KPNA1: variants seen among roughly 807,000 people sequenced by gnomAD.
KPNA1 encodes karyopherin subunit alpha 1.
In KPNA1, 10 loss-of-function variants were observed where a neutral mutation model predicts 70.5. That is an observed-to-expected ratio of 0.14 (90% CI 0.09 to 0.24). The LOEUF is 0.24. Ranked by LOEUF, KPNA1 falls within the 10% of genes least tolerant of loss-of-function variation. The pLI, the probability that KPNA1 is intolerant of heterozygous loss-of-function variation, is 1.00. For synonymous variants in KPNA1, 192 were observed against 221.9 expected (o/e 0.87, Z 1.20); for missense variants, 397 against 637.9 (o/e 0.62, Z 4.07).
In KPNA1 at chr3:122,422,952, T is replaced by C. The variant is rs1167334011; in HGVS notation, c.*4033A>G. ...GCTTCCAGATGTATTTTATGTCCAG[T>C]AGCAATTTGATATTTTAAATTAGCA... On this transcript the variant is annotated 3_prime_UTR_variant, in exon 14 of 14. Transcript: ENST00000344337. The C allele has an allele frequency of 6.6e-6, 1 of 152,242 alleles. No individual in the cohort carries two copies. Among genetic ancestry groups the C allele is most frequent in the Non-Finnish European group, 1.5e-5 (1 of 68,042 alleles). 9.4% of individuals were successfully genotyped at this position (152,242 alleles called of 1,614,324 possible).
rs180759180 is a variant in KPNA1, at chr3:122,502,128, T to C, written c.-5-5558A>G. 2.6e-3 allele frequency among the ~76,000 whole-genome samples: 397 copies of C among 152,346 alleles called. 5 individuals are homozygous for C. Among genetic ancestry groups the C allele is most frequent in the East Asian group, 1.7e-3 (9 of 5,192 alleles). The stretch of plus-strand genomic sequence containing the variant: ...ACCTTTATGGCAAAAAATATCATTC[T>C]CACCTTTTACAGATAAGGAATCAGA... On this transcript the variant is annotated intron_variant, in intron 1 of 13. Coordinates refer to ENST00000344337, the MANE Select transcript of KPNA1 (RefSeq NM_002264.4).
intron 2 of KPNA1, among the ~76,000 whole-genome samples, chr3:122,468,847 G>A (rs1420065327): frequency 6.6e-6 from 1 of 152,184 alleles, no homozygotes; most frequent in African/African-American, 2.4e-5. Context: ...ACAAGACACA[G>A]CTAAGGAAAT....
chr3:122,449,702 C>T lies in KPNA1; in HGVS notation c.789G>A (p.Leu263=), dbSNP rs370832224. The T allele has an allele frequency of 3.2e-5, 51 of 1,613,274 alleles. No homozygotes were observed. The highest frequency in any genetic ancestry group is 2.9e-4 in the African/African-American group (22 of 74,842). Reference sequence around the variant, plus strand: ...CCAGTACATCAGTGTCACTGACAAACAGCAACCAGGAAAGCACATTCAGAC... The same window carrying T: ...CCAGTACATCAGTGTCACTGACAAATAGCAACCAGGAAAGCACATTCAGAC... The part of the protein sequence containing the change: ...SPCLNVLSWL[L]FVSDTDVLAD... The change falls in exon 9 of 14, where the codon CTG becomes CTA. Residue 263 remains leucine, a synonymous_variant. Coordinates refer to ENST00000344337, the MANE Select transcript of KPNA1 (RefSeq NM_002264.4).
intron 9 of KPNA1, among the ~76,000 whole-genome samples, chr3:122,446,771 G>A (rs1045818452): frequency 5.3e-5 from 8 of 152,156 alleles, no homozygotes; most frequent in Non-Finnish European, 8.8e-5. Context: ...TTGATAGACC[G>A]CTAGCAAGAC....
chr3:122,437,148 A>G, intron 11 of KPNA1, 22 bp downstream of exon 11: 2 of 1,593,746 alleles, frequency 1.3e-6, no homozygotes, highest in Non-Finnish European at 1.7e-6. Flanking sequence ...ACTGAAAGAG[A>G]AGTTAGGTCC....
chr3:122,470,750 T>C (rs910523520), intron 2 of KPNA1, among the ~76,000 whole-genome samples: 1 of 151,660 alleles, frequency 6.6e-6, no homozygotes, highest in African/African-American at 2.4e-5. Context: ...AAAAGTACAA[T>C]TGATATGCTA....
intron 10 of KPNA1, among the ~76,000 whole-genome samples, chr3:122,440,160 A>G (rs1160076801): frequency 6.6e-6 from 1 of 152,240 alleles, no homozygotes. Flanking sequence ...AAACACTGAC[A>G]TAATCCACCT....
At chr3:122,451,748 A>G (rs936981176) in intron 7 of KPNA1, 115 bp from the exon 8 acceptor site, 2 of 755,762 alleles carry the variant, frequency 2.6e-6, no homozygotes, top group Admixed American at 3.0e-5. Context: ...GCTTTTCTCC[A>G]GAACATTAAA....
At chr3:122,481,571 C>T (rs1011757363) in intron 2 of KPNA1, among the ~76,000 whole-genome samples, 11 of 152,074 alleles carry the variant, frequency 7.2e-5, no homozygotes, top group African/African-American at 2.2e-4. Context: ...GGTTTTTTAG[C>T]GGGTGACTAA....
chr3:122,478,894 C>CAAAAAAAAAA (rs57843662), intron 2 of KPNA1, among the ~76,000 whole-genome samples: 4 of 18,694 alleles, frequency 2.1e-4, no homozygotes, highest in African/African-American at 5.4e-4. Flanking sequence ...AACCTCGTCT[C>CAAAAAAAAAA]AAAAAAAAAA....
At chr3:122,491,982 C>T (rs1391035976) in intron 2 of KPNA1, among the ~76,000 whole-genome samples, 1 of 150,332 alleles carries the variant, frequency 6.7e-6, no homozygotes, top group Non-Finnish European at 1.5e-5. Flanking sequence ...CTGCCTCAGC[C>T]TCCCGTGTAG....
chr3:122,469,710 A>G lies in KPNA1; in HGVS notation c.130-2281T>C, dbSNP rs181823300. Reference sequence around the variant, plus strand: ...ACCAAGCTGGACAAAGGCCAAAAAAATCCCACTACACCTAGGGATATCATT... The same window carrying G: ...ACCAAGCTGGACAAAGGCCAAAAAAGTCCCACTACACCTAGGGATATCATT... On this transcript the variant is annotated intron_variant, in intron 2 of 13. Transcript: ENST00000344337. Among the ~76,000 whole-genome samples, 8 of 152,344 alleles carry G rather than the reference A, an allele frequency of 5.3e-5. No individual in the cohort carries two copies. The East Asian group carries it at 1.5e-3, about 29-fold the overall frequency.
intron 1 of KPNA1, among the ~76,000 whole-genome samples, chr3:122,511,341 T>C (rs146306201): frequency 6.6e-6 from 1 of 152,290 alleles, no homozygotes; most frequent in Non-Finnish European, 1.5e-5. Flanking sequence ...AGCAGACTTA[T>C]CTTTGTATAT....
chr3:122,433,604 A>C, intron 12 of KPNA1, 57 bp downstream of exon 12: 1 of 1,459,626 alleles, frequency 6.9e-7, no homozygotes, highest in Non-Finnish European at 9.3e-7. Context: ...TTATAAAGTG[A>C]TAGACACAAT....
intron 2 of KPNA1, among the ~76,000 whole-genome samples, chr3:122,488,898 A>G (rs940313019): frequency 2.0e-5 from 3 of 152,158 alleles, no homozygotes; most frequent in Admixed American, 1.3e-4. Context: ...AGTTCCTTCA[A>G]TCAGTGGATT....
At chr3:122,428,519 C>T (rs2075853636) in intron 12 of KPNA1, among the ~76,000 whole-genome samples, 1 of 151,798 alleles carries the variant, frequency 6.6e-6, no homozygotes, top group Non-Finnish European at 1.5e-5. Flanking sequence ...GGAGAAAAGA[C>T]AAAATTACTA....
intron 10 of KPNA1, 122 bp downstream of exon 10, chr3:122,441,916 T>C (rs749920478): frequency 1.6e-5 from 13 of 810,080 alleles, no homozygotes; most frequent in Non-Finnish European, 2.7e-5. Flanking sequence ...TTTTTAAACA[T>C]TAGTGTAACA....
chr3:122,433,456 T>G (rs961336112), intron 12 of KPNA1, among the ~76,000 whole-genome samples: 5 of 152,346 alleles, frequency 3.3e-5, no homozygotes, highest in African/African-American at 1.2e-4. Context: ...TATAAAGAAT[T>G]AAATACACAT....
intron 1 of KPNA1, among the ~76,000 whole-genome samples, chr3:122,503,378 T>C (rs1039270878): frequency 1.3e-5 from 2 of 152,224 alleles, no homozygotes; most frequent in African/African-American, 2.4e-5. Context: ...TTTTGTAGTT[T>C]GAAATGATTC....
Sources: allele counts gnomAD v4.1 joint callset (sites outside exome capture counted in the v4.1 genomes callset), GRCh38; gene constraint gnomAD v4.1.1; transcripts MANE v1.5; gene names NCBI Gene and HGNC (gene_info 2026-07-23, HGNC 2026-07-21).